Variants in FRMD4B observed in about 807,000 individuals in gnomAD.
The protein encoded by FRMD4B is FERM domain containing 4B.
A neutral mutation model predicts 141.5 loss-of-function variants in FRMD4B; 74 were observed. The observed-to-expected ratio is 0.52, with a 90% CI of 0.43 to 0.63. FRMD4B has a LOEUF of 0.63. Among genes scored for constraint, FRMD4B ranks in the 30% least tolerant of loss-of-function variants. The probability of loss-of-function intolerance (pLI) is 0.00; values close to 1 mark genes in which losing one functional copy is unlikely to be tolerated. For synonymous variants in FRMD4B, 506 were observed against 467.9 expected, an observed-to-expected ratio of 1.08 and a Z score of -1.05; for missense variants, 1,366 against 1,253.4, an observed-to-expected ratio of 1.09 and a Z score of -1.36.
chr3:69,175,053 C>G (rs2092628251), intron 22 of FRMD4B, among the ~76,000 whole-genome samples: 1 of 152,106 alleles, frequency 6.6e-6, no homozygotes, highest in African/African-American at 2.4e-5. Context: ...CCAAGAAAAA[C>G]TCCCACTGAA....
At chr3:69,266,364 C>T (rs972816637) in intron 5 of FRMD4B, among the ~76,000 whole-genome samples, 3 of 152,100 alleles carry the variant, frequency 2.0e-5, no homozygotes, top group South Asian at 2.1e-4. Context: ...AGCAGCCTGC[C>T]GCCCAGGCTG....
intron 1 of FRMD4B, among the ~76,000 whole-genome samples, chr3:69,490,429 G>A (rs1264376366): frequency 6.6e-6 from 1 of 152,116 alleles, no homozygotes; most frequent in African/African-American, 2.4e-5. Flanking sequence ...TTCCAAAACA[G>A]CTTCAAGTTC....
At chr3:69,302,547 G>C in intron 3 of FRMD4B, 112 bp from the exon 4 acceptor site, 2 of 688,512 alleles carry the variant, frequency 2.9e-6, no homozygotes, top group Admixed American at 2.2e-5. Context: ...CCGATGGTAG[G>C]AGCACAACCT....
intron 1 of FRMD4B, among the ~76,000 whole-genome samples, chr3:69,343,362 C>T (rs1002478076): frequency 5.3e-5 from 8 of 152,078 alleles, no homozygotes; most frequent in Admixed American, 3.9e-4. Flanking sequence ...ACTCCACTCT[C>T]GACACTTCCT....
At chr3:69,223,667 C>T (rs983166150) in intron 8 of FRMD4B, among the ~76,000 whole-genome samples, 32 of 152,024 alleles carry the variant, frequency 2.1e-4, no homozygotes, top group African/African-American at 6.3e-4. Flanking sequence ...GGTGAAACCC[C>T]GACTCTACTA....
chr3:69,520,413 T>A (rs1050414120), intron 1 of FRMD4B, among the ~76,000 whole-genome samples: 51 of 132,384 alleles, frequency 3.9e-4, no homozygotes, highest in African/African-American at 1.4e-3. Context: ...ATATATATAT[T>A]TTTTCTGTGA....
At chr3:69,298,496 C>T (rs1011194624) in intron 4 of FRMD4B, among the ~76,000 whole-genome samples, 10 of 152,194 alleles carry the variant, frequency 6.6e-5, no homozygotes, top group Non-Finnish European at 7.3e-5. Flanking sequence ...ATTGGTTATG[C>T]TCTCAAGCTC....
chr3:69,368,117 T>C (rs932045014), intron 1 of FRMD4B, among the ~76,000 whole-genome samples: 8 of 152,222 alleles, frequency 5.3e-5, no homozygotes, highest in East Asian at 3.8e-4. Context: ...GTTCTTTTCA[T>C]GTTCTAGGCA....
At chr3:69,404,368 C>G (rs6782343) in intron 2 of FRMD4B, among the ~76,000 whole-genome samples, 46,146 of 152,006 alleles carry the variant, frequency 0.3, 7,709 homozygotes, top group Admixed American at 0.38. Flanking sequence ...GTATTACTTT[C>G]TTGAATATTA....
chr3:69,477,050 A>T (rs1306995619), intron 1 of FRMD4B, among the ~76,000 whole-genome samples: 1 of 152,104 alleles, frequency 6.6e-6, no homozygotes, highest in African/African-American at 2.4e-5. Flanking sequence ...TTGTACATTG[A>T]TTTTGTATCC....
At chr3:69,197,256 A>C (rs546613435) in intron 12 of FRMD4B, among the ~76,000 whole-genome samples, 2 of 152,314 alleles carry the variant, frequency 1.3e-5, no homozygotes, top group African/African-American at 2.4e-5. Flanking sequence ...CATGTTTAAA[A>C]ACACATACAC....
chr3:69,437,432 CAT>C (rs954415603), intron 1 of FRMD4B, among the ~76,000 whole-genome samples: 2 of 147,060 alleles, frequency 1.4e-5, no homozygotes, highest in Non-Finnish European at 3.0e-5. Flanking sequence ...TGTATATATA[CAT>C]ATATATAATA....
chr3:69,221,200 T>A (rs1481435764), intron 9 of FRMD4B, among the ~76,000 whole-genome samples: 1 of 152,098 alleles, frequency 6.6e-6, no homozygotes, highest in African/African-American at 2.4e-5. Context: ...TGATCTCAAA[T>A]GATCCGCCCT....
At chr3:69,454,984 TACAACAC>T (rs953556073) in intron 1 of FRMD4B, among the ~76,000 whole-genome samples, 1 of 152,222 alleles carries the variant, frequency 6.6e-6, no homozygotes, top group Non-Finnish European at 1.5e-5. Context: ...AGTTCGTGGG[TACAACAC>T]TCAGCACTCT....
At chr3:69,276,053 G>C (rs2093616548) in intron 5 of FRMD4B, among the ~76,000 whole-genome samples, 1 of 152,116 alleles carries the variant, frequency 6.6e-6, no homozygotes, top group African/African-American at 2.4e-5. Flanking sequence ...AGCTAAGGAA[G>C]GCTAGCCTAT....
At chr3:69,344,932 C>A (rs1039756057) in intron 1 of FRMD4B, among the ~76,000 whole-genome samples, 6 of 152,092 alleles carry the variant, frequency 3.9e-5, no homozygotes, top group African/African-American at 1.2e-4. Context: ...TGGGTGATTT[C>A]TGCATTTCCA....
chr3:69,302,038 G>A (rs1039707412), intron 4 of FRMD4B, among the ~76,000 whole-genome samples: 3 of 152,146 alleles, frequency 2.0e-5, no homozygotes, highest in Non-Finnish European at 4.4e-5. Flanking sequence ...ACAGTCTTAT[G>A]TATTAAAATA....
At chr3:69,239,496 G>A (rs944122720) in intron 7 of FRMD4B, among the ~76,000 whole-genome samples, 1 of 152,120 alleles carries the variant, frequency 6.6e-6, no homozygotes, top group Non-Finnish European at 1.5e-5. Flanking sequence ...TGAGGACTCC[G>A]ATCATGTCTA....
At chr3:69,466,451 A>G (rs564805370) in intron 1 of FRMD4B, among the ~76,000 whole-genome samples, 72 of 152,278 alleles carry the variant, frequency 4.7e-4, no homozygotes, top group African/African-American at 1.7e-3. Context: ...TTGTGGAAAA[A>G]CAGTCCTTAT....
Sources: gnomAD v4.1 joint callset for allele counts (sites outside exome capture counted in the v4.1 genomes callset) on GRCh38, gnomAD v4.1.1 for gene constraint, MANE v1.5 for transcripts, NCBI Gene and HGNC (gene_info 2026-07-23, HGNC 2026-07-21) for gene names.